NAALADL2: variants seen among roughly 807,000 people sequenced by gnomAD.
NAALADL2 encodes N-acetylated alpha-linked acidic dipeptidase like 2.
In NAALADL2, 76 loss-of-function variants were observed where a neutral mutation model predicts 87.2. That is an observed-to-expected ratio of 0.87 (90% CI 0.72 to 1.05). The LOEUF (loss-of-function observed/expected upper bound fraction) is 1.05. Ranked by LOEUF, NAALADL2 falls within the 50% of genes least tolerant of loss-of-function variation. The pLI is 0.00. For missense variants in NAALADL2, 1,089 were observed against 945.8 expected (o/e 1.15, Z -1.99); for synonymous variants, 354 against 331.0 (o/e 1.07, Z -0.75).
At chr3:174,504,793 G>C (rs546132213) in intron 1 of NAALADL2, among the ~76,000 whole-genome samples, 1 of 152,102 alleles carries the variant, frequency 6.6e-6, no homozygotes, top group South Asian at 2.1e-4. Context: ...AAACATAGTT[G>C]CCACCTGTTT....
At chr3:174,468,187 A>T (rs1486823537) in intron 1 of NAALADL2, among the ~76,000 whole-genome samples, 2 of 152,070 alleles carry the variant, frequency 1.3e-5, no homozygotes, top group Admixed American at 1.3e-4. Context: ...AAATCTGTCT[A>T]AGGTAGGACA....
intron 9 of NAALADL2, among the ~76,000 whole-genome samples, chr3:175,542,611 C>T (rs1253254378): frequency 3.9e-5 from 6 of 152,264 alleles, no homozygotes; most frequent in South Asian, 2.1e-4. Context: ...CCACCCACCT[C>T]GGCCTCCCAA....
chr3:175,125,043 G>C (rs60018000), intron 2 of NAALADL2, among the ~76,000 whole-genome samples: 78,698 of 151,502 alleles, frequency 0.52, 20,493 homozygotes, highest in East Asian at 0.62. Context: ...CTTTCTAATG[G>C]AACACTCTAT....
rs750595687 is a variant in NAALADL2 at position 175,463,519 on chromosome 3, C to A, written c.1327+26C>A. The A allele has an allele frequency of 5.2e-5, 64 of 1,242,376 alleles. 1 individual carries two copies. The South Asian group carries it at 8.6e-4, about 17-fold the overall frequency. 77.0% of individuals were successfully genotyped at this position (1,242,376 alleles called of 1,614,324 possible). A position where few individuals can be genotyped will look rare whatever the true frequency, so the allele number is the denominator to read the frequency against. On this transcript the variant is annotated intron_variant, in intron 7 of 13. Coordinates refer to ENST00000454872, the MANE Select transcript of NAALADL2 (RefSeq NM_207015.3). ...GTAAGTAGGGTTGAAAATTTATAATCTACACTTTATATGAAACTATACAAG... is the reference window on the plus strand; with the variant it reads ...GTAAGTAGGGTTGAAAATTTATAATATACACTTTATATGAAACTATACAAG...
chr3:175,658,945 G>A (rs1245282377), intron 11 of NAALADL2, among the ~76,000 whole-genome samples: 1 of 151,920 alleles, frequency 6.6e-6, no homozygotes, highest in Non-Finnish European at 1.5e-5. Flanking sequence ...CACACACACA[G>A]TTGTATTTGC....
intron 3 of NAALADL2, among the ~76,000 whole-genome samples, chr3:174,765,745 G>A (rs1178630145): frequency 6.6e-6 from 1 of 152,122 alleles, no homozygotes; most frequent in African/African-American, 2.4e-5. Flanking sequence ...GCCATTTATT[G>A]ACAAAATGAT....
intron 11 of NAALADL2, among the ~76,000 whole-genome samples, chr3:175,635,602 C>T (rs1015759676): frequency 6.6e-6 from 1 of 152,146 alleles, no homozygotes; most frequent in Non-Finnish European, 1.5e-5. Context: ...GTAGAAGTCT[C>T]ATTCCATAAA....
intron 1 of NAALADL2, among the ~76,000 whole-genome samples, chr3:174,897,722 A>G (rs1731726535): frequency 6.6e-6 from 1 of 152,176 alleles, no homozygotes; most frequent in South Asian, 2.1e-4. Context: ...CACTCCTATA[A>G]TTGTCACAGC....
intron 1 of NAALADL2, among the ~76,000 whole-genome samples, chr3:175,036,471 C>G (rs1580133947): frequency 1.3e-5 from 2 of 151,906 alleles, no homozygotes. Context: ...GCGATCTCAG[C>G]TCACTTCAAG....
intron 1 of NAALADL2, among the ~76,000 whole-genome samples, chr3:174,868,584 G>T (rs900320620): frequency 4.6e-5 from 7 of 152,022 alleles, no homozygotes; most frequent in African/African-American, 1.7e-4. Context: ...TTCGAAAAAA[G>T]AATTTGGGAG....
intron 1 of NAALADL2, among the ~76,000 whole-genome samples, chr3:174,968,496 T>C (rs184366988): frequency 3.8e-4 from 58 of 152,100 alleles, no homozygotes; most frequent in Admixed American, 1.1e-3. Flanking sequence ...AGCCTGTTTT[T>C]CTAACTATTT....
Position 175,808,016 on chromosome 3 carries a change from C to A in NAALADL2, c.*4813C>A, listed in dbSNP as rs1754859870. On this transcript the variant is annotated 3_prime_UTR_variant, in exon 14 of 14. Transcript: ENST00000454872. ...TTTCTGTTTTCTAGGTACACTCTAG[C>A]ATTGTAACTTTTTCCCCCTGAGAAG... 6.6e-6 allele frequency: 1 copy of A among 151,932 alleles called. No homozygotes were observed. The highest frequency in any genetic ancestry group is 2.4e-5 in the African/African-American group (1 of 41,422). 9.4% of individuals were successfully genotyped at this position (151,932 alleles called of 1,614,324 possible). A position where few individuals can be genotyped will look rare whatever the true frequency, so the allele number is the denominator to read the frequency against.
intron 4 of NAALADL2, among the ~76,000 whole-genome samples, chr3:175,275,921 G>A (rs1269845178): frequency 6.6e-6 from 1 of 151,136 alleles, no homozygotes; most frequent in African/African-American, 2.4e-5. Context: ...TAAAATTCAT[G>A]ACCGTAACCT....
chr3:175,490,660 G>T (rs963061647), intron 9 of NAALADL2, among the ~76,000 whole-genome samples: 57 of 151,648 alleles, frequency 3.8e-4, no homozygotes, highest in Non-Finnish European at 7.9e-4. Context: ...CTCCCAAAGT[G>T]CTGGGATTAC....
intron 2 of NAALADL2, among the ~76,000 whole-genome samples, chr3:175,132,482 G>A (rs1371057887): frequency 4.5e-5 from 1 of 22,206 alleles, no homozygotes; most frequent in Non-Finnish European, 7.5e-5. Context: ...TGGGCAGAGG[G>A]GCTCCTCACT....
chr3:175,188,330 T>A (rs1442584990), intron 2 of NAALADL2, among the ~76,000 whole-genome samples: 2 of 152,082 alleles, frequency 1.3e-5, no homozygotes, highest in Non-Finnish European at 2.9e-5. Flanking sequence ...CTAGGCTAAG[T>A]GGAGCAATCA....
intron 2 of NAALADL2, among the ~76,000 whole-genome samples, chr3:175,169,922 A>G (rs1734554752): frequency 6.7e-6 from 1 of 150,372 alleles, no homozygotes; most frequent in Non-Finnish European, 1.5e-5. Flanking sequence ...AGAATATTTC[A>G]AAGCATTTCC....
intron 1 of NAALADL2, among the ~76,000 whole-genome samples, chr3:174,951,610 G>T (rs1029266362): frequency 6.6e-6 from 1 of 151,970 alleles, no homozygotes; most frequent in Non-Finnish European, 1.5e-5. Context: ...AAGAGTTCAG[G>T]TAATAAAACA....
intron 5 of NAALADL2, among the ~76,000 whole-genome samples, chr3:175,445,501 G>A (rs999053771): frequency 6.6e-6 from 1 of 151,828 alleles, no homozygotes; most frequent in Non-Finnish European, 1.5e-5. Flanking sequence ...CTTCTGCTCG[G>A]TTATGTGTTG....
Sources: gnomAD v4.1 joint callset for allele counts (sites outside exome capture counted in the v4.1 genomes callset) on GRCh38, gnomAD v4.1.1 for gene constraint, MANE v1.5 for transcripts, NCBI Gene and HGNC (gene_info 2026-07-23, HGNC 2026-07-21) for gene names.